PIK3R4: variants seen among roughly 807,000 people sequenced by gnomAD.
PIK3R4 encodes phosphoinositide-3-kinase regulatory subunit 4.
PIK3R4 carries 46 observed loss-of-function variants against 136.5 expected under a neutral mutation model. That is an observed-to-expected ratio of 0.34 (90% CI 0.27 to 0.43). The LOEUF (loss-of-function observed/expected upper bound fraction) is 0.43. PIK3R4 is among the 20% of genes least tolerant of loss of function. The pLI, the probability that PIK3R4 is intolerant of heterozygous loss-of-function variation, is 1.00. For missense variants in PIK3R4, 1,331 were observed against 1,649.5 expected (o/e 0.81, Z 3.35); for synonymous variants, 557 against 566.7 (o/e 0.98, Z 0.24).
At chr3:130,705,464 C>T (rs993881751) in intron 12 of PIK3R4, 97 bp downstream of exon 12, 2 of 760,806 alleles carry the variant, frequency 2.6e-6, no homozygotes, top group Non-Finnish European at 4.4e-6. Context: ...TTTGTTCTTA[C>T]CTCTTTTGTC....
intron 6 of PIK3R4, 137 bp from the exon 7 acceptor site, chr3:130,723,724 C>CA: frequency 1.6e-6 from 1 of 637,018 alleles, no homozygotes; most frequent in Non-Finnish European, 2.5e-6. Context: ...TCCTACCCAG[C>CA]ATGATAAAGT....
chr3:130,713,614 AG>A, intron 9 of PIK3R4, among the ~76,000 whole-genome samples: 1 of 152,196 alleles, frequency 6.6e-6, no homozygotes, highest in Non-Finnish European at 1.5e-5. Context: ...ATGAGGGGCT[AG>A]GGTGGCCCCA....
chr3:130,722,961 A>G (rs1247329061), intron 7 of PIK3R4, among the ~76,000 whole-genome samples: 1 of 146,566 alleles, frequency 6.8e-6, no homozygotes, highest in African/African-American at 2.5e-5. Flanking sequence ...GCTACTCAGG[A>G]GGCTGAGGCA....
chr3:130,717,647 C>A (rs2066673310), intron 8 of PIK3R4, among the ~76,000 whole-genome samples: 1 of 152,100 alleles, frequency 6.6e-6, no homozygotes. Flanking sequence ...CAGAGTTTAT[C>A]CAAGGCCATT....
At chr3:130,695,300 C>T (rs1219158196) in intron 13 of PIK3R4, among the ~76,000 whole-genome samples, 1 of 151,976 alleles carries the variant, frequency 6.6e-6, no homozygotes, top group African/African-American at 2.4e-5. Flanking sequence ...AGAAGTGTTC[C>T]CTCATTTATT....
At chr3:130,722,277 T>A (rs1289568208) in intron 7 of PIK3R4, among the ~76,000 whole-genome samples, 1 of 152,192 alleles carries the variant, frequency 6.6e-6, no homozygotes, top group Non-Finnish European at 1.5e-5. Flanking sequence ...AAGGGAGTTA[T>A]CCATTGAAGA....
At chr3:130,737,199 G>A (rs546812849) in intron 2 of PIK3R4, among the ~76,000 whole-genome samples, 4 of 152,214 alleles carry the variant, frequency 2.6e-5, no homozygotes, top group South Asian at 2.1e-4. Context: ...CTTGATTGCC[G>A]GTTTAAAACT....
intron 7 of PIK3R4, among the ~76,000 whole-genome samples, 191 bp downstream of exon 7, chr3:130,723,223 T>A (rs2066712742): frequency 6.6e-6 from 1 of 151,156 alleles, no homozygotes; most frequent in Non-Finnish European, 1.5e-5. Flanking sequence ...ACCCAATGAG[T>A]CAGCTTGTCT....
At chr3:130,712,181 C>T (rs776442698) in intron 9 of PIK3R4, among the ~76,000 whole-genome samples, 2 of 152,080 alleles carry the variant, frequency 1.3e-5, no homozygotes, top group Non-Finnish European at 2.9e-5. Flanking sequence ...GAACTACTAA[C>T]ATATTTTCCC....
rs1197896750 is a variant in PIK3R4 at position 130,730,337 on chromosome 3, A to G, written c.1556T>C (p.Val519Ala). The stretch of plus-strand genomic sequence containing the variant: ...GTCATAATTTCCATTTGGATGTGTA[A>G]CCTCATCTATTTCTTCATTATTGGG... Reference protein sequence around the residue: ...NDPNNEEIDEVTHPNGNYDTE... With the variant: ...NDPNNEEIDEATHPNGNYDTE... The change falls in exon 5 of 20, where the codon GTT becomes GCT. Residue 519 changes from valine to alanine, a missense_variant. Transcript: ENST00000356763. 2 of 1,595,186 alleles carry G rather than the reference A, an allele frequency of 1.3e-6. No individual in the cohort carries two copies. The highest frequency in any genetic ancestry group is 1.8e-5 in the Admixed American group (1 of 56,304).
intron 9 of PIK3R4, among the ~76,000 whole-genome samples, chr3:130,715,285 G>A (rs990630451): frequency 5.3e-5 from 8 of 151,830 alleles, no homozygotes; most frequent in Admixed American, 1.3e-4. Flanking sequence ...CACTATGTCC[G>A]GCTAATTTTT....
In PIK3R4 at chr3:130,721,229, T is replaced by C. The variant is rs181714440; in HGVS notation, c.1981+2185A>G. 4.4e-3 allele frequency among the ~76,000 whole-genome samples: 663 copies of C among 149,972 alleles called. 2 individuals are homozygous for C. The highest frequency in any genetic ancestry group is 0.015 in the African/African-American group (617 of 40,624). Reference sequence around the variant, plus strand: ...GCGGGCGCCTGTAGTCCCAGCTACTTGGGAGGCTGAGGCAGGAGAATGGCG... The same window carrying C: ...GCGGGCGCCTGTAGTCCCAGCTACTCGGGAGGCTGAGGCAGGAGAATGGCG... On this transcript the variant is annotated intron_variant, in intron 7 of 19. Coordinates refer to ENST00000356763, the MANE Select transcript of PIK3R4 (RefSeq NM_014602.3).
chr3:130,684,970 C>T (rs1459496434), intron 15 of PIK3R4, among the ~76,000 whole-genome samples: 1 of 152,168 alleles, frequency 6.6e-6, no homozygotes, highest in Non-Finnish European at 1.5e-5. Context: ...GCAAAGGGCA[C>T]ACACTTAACA....
chr3:130,682,080 G>T (rs1483474415), intron 16 of PIK3R4, among the ~76,000 whole-genome samples: 1 of 152,152 alleles, frequency 6.6e-6, no homozygotes, highest in African/African-American at 2.4e-5. Context: ...CCTGTGGTAG[G>T]CTAAATAATG....
rs59527143 is a variant in PIK3R4 at position 130,733,439 on chromosome 3, A to C, written c.1450+109T>G. 5 of 689,934 alleles carry C rather than the reference A, an allele frequency of 7.2e-6. No homozygotes were observed. In the African/African-American group the frequency reaches 9.1e-5, roughly 13 times the overall value. The allele number at this position is 689,934 out of a possible 1,614,324, so 42.7% of individuals were successfully genotyped here. A position where few individuals can be genotyped will look rare whatever the true frequency, so the allele number is the denominator to read the frequency against. On this transcript the variant is annotated intron_variant, in intron 4 of 19. Coordinates refer to ENST00000356763, the MANE Select transcript of PIK3R4 (RefSeq NM_014602.3). ...CAAAATGTACACAAATAGTTCAAAG[A>C]GCAAAGTTCATACTTGCAATTCTCA...
intron 1 of PIK3R4, 117 bp from the exon 2 acceptor site, chr3:130,745,381 C>T: frequency 1.5e-6 from 1 of 651,290 alleles, no homozygotes; most frequent in Non-Finnish European, 2.5e-6. Context: ...TTCTCTTCCA[C>T]TAACAGCACT....
At chr3:130,707,360 A>T (rs2066611332) in intron 10 of PIK3R4, among the ~76,000 whole-genome samples, 1 of 152,204 alleles carries the variant, frequency 6.6e-6, no homozygotes, top group South Asian at 2.1e-4. Context: ...TGATGTTAAT[A>T]ATAAGACCTA....
chr3:130,681,442 A>C (rs536927885), intron 17 of PIK3R4, 49 bp downstream of exon 17: 1 of 1,154,674 alleles, frequency 8.7e-7, no homozygotes, highest in East Asian at 2.3e-5. Flanking sequence ...GAAAGTACTT[A>C]GGATGTGGGG....
chr3:130,734,137 CA>C lies in PIK3R4; in HGVS notation c.868-8del. 6.3e-7 allele frequency: 1 copy of C among 1,580,972 alleles called. No individual in the cohort carries two copies. The highest frequency in any genetic ancestry group is 2.2e-5 in the East Asian group (1 of 44,558). On this transcript the variant is annotated splice_polypyrimidine_tract_variant and splice_region_variant and intron_variant, in intron 3 of 19. Coordinates refer to ENST00000356763, the MANE Select transcript of PIK3R4 (RefSeq NM_014602.3). ...GGTGAATCATCTGAGTTACCTATAC[CA>C]AGGGAAGAAAAGGAATTAAAATAGA...
Sources: gnomAD v4.1 joint callset for allele counts (sites outside exome capture counted in the v4.1 genomes callset) on GRCh38, gnomAD v4.1.1 for gene constraint, MANE v1.5 for transcripts, NCBI Gene and HGNC (gene_info 2026-07-23, HGNC 2026-07-21) for gene names.